CCT7: variants seen among roughly 807,000 people sequenced by gnomAD.
CCT7 encodes the protein T-complex protein 1 subunit eta.
In CCT7, 16 loss-of-function variants were observed where a neutral mutation model predicts 56.6. The ratio of observed to expected loss-of-function variants is 0.28; its 90% CI spans 0.19 to 0.43. The LOEUF is 0.43. Ranked by LOEUF, CCT7 falls within the 20% of genes least tolerant of loss-of-function variation. The probability of loss-of-function intolerance (pLI) is 1.00; values close to 1 mark genes in which losing one functional copy is unlikely to be tolerated. For synonymous variants in CCT7, 262 were observed against 254.8 expected, an observed-to-expected ratio of 1.03 and a Z score of -0.27; for missense variants, 519 against 685.6, an observed-to-expected ratio of 0.76 and a Z score of 2.71.
intron 1 of CCT7, among the ~76,000 whole-genome samples, chr2:73,238,501 CTG>C (rs1302690015): frequency 6.6e-6 from 1 of 152,248 alleles, no homozygotes; most frequent in Non-Finnish European, 1.5e-5. Context: ...TGGGAAAGCT[CTG>C]TGCTTTCCTG....
chr2:73,235,064 G>T (rs944048576), intron 1 of CCT7, among the ~76,000 whole-genome samples: 11 of 152,178 alleles, frequency 7.2e-5, no homozygotes, highest in Admixed American at 5.2e-4. Context: ...TCGGAGGTGG[G>T]AAGACCCAGG....
intron 4 of CCT7, 60 bp downstream of exon 4, chr2:73,243,189 A>T: frequency 6.3e-7 from 1 of 1,584,810 alleles, no homozygotes; most frequent in Non-Finnish European, 8.6e-7. Flanking sequence ...TCTCTTAGGA[A>T]GGGGAATTTC....
chr2:73,239,825 G>A, intron 2 of CCT7, 29 bp downstream of exon 2: 1 of 1,609,800 alleles, frequency 6.2e-7, no homozygotes, highest in South Asian at 1.1e-5. Flanking sequence ...TCAGGCCTGT[G>A]TGCAGGAAAG....
At position 73,248,051 on chromosome 2, in the gene CCT7, A is replaced by G. The variant is rs1687420255; in HGVS notation, c.783+125A>G. On this transcript the variant is annotated intron_variant, in intron 7 of 11. Transcript: ENST00000258091. ...CCCCCCTGAATATTGATGTCTAAGT[A>G]CTAGGCCCCCTTCTTTCCATACTCT... 3.7e-6 allele frequency: 3 copies of G among 805,870 alleles called. No homozygotes were observed. In the East Asian group the frequency reaches 8.1e-5, roughly 22 times the overall value. The allele number at this position is 805,870 out of a possible 1,614,324, so 49.9% of individuals were successfully genotyped here.
rs567536710 is a variant in CCT7 at position 73,249,869 on chromosome 2, G to A, written c.1023G>A (p.Val341=). ...GTGTGAATGCTCTGTCAGCAGATGT[G>A]CTGGGTCGATGCCAGGTGTTTGAAG... is the stretch of plus-strand genomic sequence containing the variant. ...QTSVNALSAD[V]LGRCQVFEET... Residue 341 remains valine, a synonymous_variant, in exon 9 of 12, where the codon GTG becomes GTA. Coordinates refer to ENST00000258091, the MANE Select transcript of CCT7 (RefSeq NM_006429.4). The A allele has an allele frequency of 4.5e-5, 72 of 1,614,042 alleles. 2 individuals are homozygous for A. The South Asian group carries it at 7.5e-4, about 17-fold the overall frequency.
chr2:73,252,247 C>T (rs1285886776), intron 11 of CCT7, among the ~76,000 whole-genome samples: 3 of 151,362 alleles, frequency 2.0e-5, no homozygotes, highest in Non-Finnish European at 2.9e-5. Context: ...TCTGTAAAAT[C>T]GGGCTATTTG....
chr2:73,250,023 A>G, intron 9 of CCT7, 107 bp downstream of exon 9: 1 of 823,478 alleles, frequency 1.2e-6, no homozygotes. Flanking sequence ...TTGTGTACAA[A>G]GTGGTATACA....
At position 73,234,362 on chromosome 2, in the gene CCT7, C is replaced by T. The variant is rs528928298; in HGVS notation, c.-17C>T. On this transcript the variant is annotated 5_prime_UTR_variant, in exon 1 of 12. Transcript: ENST00000258091. ...GAGAAGAGGGGAGAGTGGCGGGCCG[C>T]TGAATAAGCTTCCAAAATGATGGTG... is the stretch of plus-strand genomic sequence containing the variant. 5.0e-6 allele frequency: 8 copies of T among 1,613,392 alleles called. No individual in the cohort carries two copies. The African/African-American group carries it at 5.3e-5, about 11-fold the overall frequency.
rs775077783 is a variant in CCT7, at chr2:73,249,164, G to A, written c.957G>A (p.Leu319=). 60 of 1,609,434 alleles carry A rather than the reference G, an allele frequency of 3.7e-5. No homozygotes were observed. Among genetic ancestry groups the A allele is most frequent in the Non-Finnish European group, 4.8e-5 (56 of 1,176,726 alleles). ...FCAGRVPEED[L]KRTMMACGGS... The stretch of plus-strand genomic sequence containing the variant: ...CTGGCCGAGTACCTGAGGAGGATCT[G>A]AAGAGGACAATGATGGTAACCAGAT... The change falls in exon 8 of 12, where the codon CTG becomes CTA. Residue 319 remains leucine, a synonymous_variant. Coordinates refer to ENST00000258091, the MANE Select transcript of CCT7 (RefSeq NM_006429.4).
At chr2:73,250,846 G>A (rs1687545888) in intron 10 of CCT7, among the ~76,000 whole-genome samples, 2 of 151,674 alleles carry the variant, frequency 1.3e-5, no homozygotes, top group South Asian at 4.2e-4. Context: ...AGGCTGAGGT[G>A]GAAAGATGCC....
intron 1 of CCT7, 141 bp downstream of exon 1, chr2:73,234,525 C>G: frequency 2.9e-6 from 3 of 1,037,308 alleles, no homozygotes; most frequent in South Asian, 2.8e-5. Flanking sequence ...AGGGGCGACC[C>G]CAGCCAGCCG....
chr2:73,249,140 T>A lies in CCT7; in HGVS notation c.933T>A (p.Ala311=). The A allele has an allele frequency of 6.2e-7, 1 of 1,613,526 alleles. No individual in the cohort carries two copies. The highest frequency in any genetic ancestry group is 8.5e-7 in the Non-Finnish European group (1 of 1,179,540). ...TTGCTGACAGGGACATGTTCTGTGCTGGCCGAGTACCTGAGGAGGATCTGA... is the reference window on the plus strand; with the variant it reads ...TTGCTGACAGGGACATGTTCTGTGCAGGCCGAGTACCTGAGGAGGATCTGA... The part of the protein sequence containing the change: ...QYFADRDMFC[A]GRVPEEDLKR... The change falls in exon 8 of 12, where the codon GCT becomes GCA. Residue 311 remains alanine, a synonymous_variant. Coordinates refer to ENST00000258091, the MANE Select transcript of CCT7 (RefSeq NM_006429.4).
intron 3 of CCT7, among the ~76,000 whole-genome samples, chr2:73,241,950 A>G (rs1409543591): frequency 6.6e-6 from 1 of 152,002 alleles, no homozygotes; most frequent in East Asian, 2.0e-4. Flanking sequence ...CATGTTGGCC[A>G]GGCTGGTCTC....
intron 2 of CCT7, 200 bp from the exon 3 acceptor site, chr2:73,240,237 G>A: frequency 2.5e-6 from 1 of 406,564 alleles, no homozygotes; most frequent in East Asian, 3.9e-5. Flanking sequence ...TTGGGAGTCT[G>A]TGGTCTGCAA....
At chr2:73,238,208 G>T (rs1336407083) in intron 1 of CCT7, among the ~76,000 whole-genome samples, 1 of 150,546 alleles carries the variant, frequency 6.6e-6, no homozygotes, top group Non-Finnish European at 1.5e-5. Flanking sequence ...TGTTTTTTAT[G>T]TAAATCACAG....
At chr2:73,234,416 A>G in intron 1 of CCT7, 32 bp downstream of exon 1, 1 of 1,612,556 alleles carries the variant, frequency 6.2e-7, no homozygotes, top group Middle Eastern at 1.7e-4. Flanking sequence ...CGTCGCCATC[A>G]GCTGCCATCT....
chr2:73,239,522 T>A, intron 1 of CCT7, 121 bp from the exon 2 acceptor site: 6 of 829,048 alleles, frequency 7.2e-6, no homozygotes, highest in Non-Finnish European at 1.1e-5. Flanking sequence ...TGGGGGAATG[T>A]GGTTTAAGAA....
intron 4 of CCT7, 181 bp from the exon 5 acceptor site, chr2:73,243,816 C>G (rs1309698019): frequency 1.6e-6 from 1 of 610,800 alleles, no homozygotes; most frequent in African/African-American, 1.9e-5. Flanking sequence ...TTGGAATTTT[C>G]TGAACTATAG....
intron 1 of CCT7, among the ~76,000 whole-genome samples, chr2:73,234,683 C>G (rs1574349449): frequency 6.6e-6 from 1 of 152,340 alleles, no homozygotes; most frequent in East Asian, 1.9e-4. Flanking sequence ...CTTTTTTAGC[C>G]CCGCATGATC....
Sources: gnomAD v4.1 joint callset for allele counts (sites outside exome capture counted in the v4.1 genomes callset) on GRCh38, gnomAD v4.1.1 for gene constraint, MANE v1.5 for transcripts, NCBI Gene and HGNC (gene_info 2026-07-23, HGNC 2026-07-21) for gene names.